The following TAF3 variants were observed in gnomAD, a reference collection of about 807,000 sequenced individuals.
TAF3 encodes the protein transcription initiation factor TFIID subunit 3.
Under a neutral mutation model 80.6 loss-of-function variants are expected in TAF3, and 7 were observed. The observed-to-expected ratio is 0.09, with a 90% CI of 0.05 to 0.16. The LOEUF (loss-of-function observed/expected upper bound fraction) is 0.16, where lower values mean the gene tolerates loss of function less well. Among genes scored for constraint, TAF3 ranks in the 10% least tolerant of loss-of-function variants. TAF3 has a pLI of 1.00. For synonymous variants in TAF3, 444 were observed against 446.1 expected, an observed-to-expected ratio of 1.00 and a Z score of 0.06; for missense variants, 921 against 1,140.2, an observed-to-expected ratio of 0.81 and a Z score of 2.77.
At position 8,014,646 on chromosome 10, in the gene TAF3, T is replaced by G; in HGVS notation, c.2685T>G (p.Val895=). 6.2e-7 allele frequency: 1 copy of G among 1,612,808 alleles called. No individual in the cohort carries two copies. The highest frequency in any genetic ancestry group is 1.1e-5 in the South Asian group (1 of 90,728). The change falls in exon 7 of 7, where the codon GTT becomes GTG. Residue 895 remains valine (V), a synonymous_variant. Coordinates refer to ENST00000344293, the MANE Select transcript of TAF3 (RefSeq NM_031923.4). ...TTGTTTTCACGTGCAGGCCCTGTGT[T>G]GGAATCATGACTGCACCCCCAGAAG... The part of the protein sequence containing the change: ...DCDDWYHWPC[V]GIMTAPPEEM...
chr10:7,977,986 C>CA (rs1831689947), intron 4 of TAF3, among the ~76,000 whole-genome samples: 2 of 152,024 alleles, frequency 1.3e-5, no homozygotes, highest in African/African-American at 2.4e-5. Context: ...TTAAGGCCTA[C>CA]AGTACTCTTA....
chr10:7,960,308 G>A (rs920140591), intron 2 of TAF3, among the ~76,000 whole-genome samples: 3 of 152,158 alleles, frequency 2.0e-5, no homozygotes, highest in African/African-American at 4.8e-5. Flanking sequence ...TAGCAAAAGC[G>A]AGGGAGGGAG....
At chr10:7,842,369 T>C (rs1758655) in intron 2 of TAF3, among the ~76,000 whole-genome samples, 27,203 of 151,688 alleles carry the variant, frequency 0.18, 2,517 homozygotes, top group South Asian at 0.26. Context: ...TATATTGCCC[T>C]GGCTGGTCTT....
At chr10:7,868,917 G>T (rs1012114595) in intron 2 of TAF3, among the ~76,000 whole-genome samples, 29 of 152,080 alleles carry the variant, frequency 1.9e-4, no homozygotes, top group African/African-American at 6.8e-4. Flanking sequence ...AAATGCAGTG[G>T]CAGGGTTTAA....
At chr10:7,986,722 A>C (rs1588577483) in intron 4 of TAF3, among the ~76,000 whole-genome samples, 1 of 152,164 alleles carries the variant, frequency 6.6e-6, no homozygotes, top group South Asian at 2.1e-4. Context: ...AGTAGCAGCC[A>C]ATGAGAGAAA....
rs539324989 is a variant in TAF3, at chr10:7,968,396, TA to T, written c.2232+2657del. ...TTATAAAGCTGATACCAAGAACCAA[TA>T]AAGATGTGATTAATTAAAACGGAAT... On this transcript the variant is annotated intron_variant, in intron 3 of 6. Coordinates refer to ENST00000344293, the MANE Select transcript of TAF3 (RefSeq NM_031923.4). Among the ~76,000 whole-genome samples, 5 of 152,190 alleles carry T rather than the reference TA, an allele frequency of 3.3e-5. No homozygotes were observed. In the East Asian group the frequency reaches 9.6e-4, roughly 29 times the overall value.
In TAF3 at chr10:7,964,136, T is replaced by C; in HGVS notation, c.626T>C (p.Leu209Ser). The C allele has an allele frequency of 6.2e-7, 1 of 1,614,114 alleles. No individual in the cohort carries two copies. The highest frequency in any genetic ancestry group is 8.5e-7 in the Non-Finnish European group (1 of 1,180,022). ...STKGDTLDVV[L>S]LEAREPLSSI... is the part of the protein sequence containing the mutation. ...AAAGGGGACACGCTAGATGTTGTGT[T>C]ATTGGAAGCTCGAGAGCCACTCAGC... is the stretch of plus-strand genomic sequence containing the variant. The change falls in exon 3 of 7, where the codon TTA (leucine) becomes TCA (serine). Residue 209 changes from leucine to serine, a missense_variant. Physicochemically the swap from Leu to Ser is moderately radical, Grantham distance 145 (BLOSUM62 -2). Transcript: ENST00000344293. The surrounding 1 kb of genome is among the most constrained non-coding windows in gnomAD (Gnocchi z 4.1).
chr10:7,914,587 G>T (rs1276195375), intron 2 of TAF3, among the ~76,000 whole-genome samples: 1 of 152,210 alleles, frequency 6.6e-6, no homozygotes, highest in Non-Finnish European at 1.5e-5. Context: ...TGTATGAGAA[G>T]AAATTTTATT....
chr10:7,837,462 G>A (rs1317817611), intron 2 of TAF3, among the ~76,000 whole-genome samples: 1 of 152,060 alleles, frequency 6.6e-6, no homozygotes, highest in Non-Finnish European at 1.5e-5. Flanking sequence ...GGCCAGCATG[G>A]CGAAACCTCG....
At chr10:7,905,497 C>T (rs574517838) in intron 2 of TAF3, among the ~76,000 whole-genome samples, 1 of 152,186 alleles carries the variant, frequency 6.6e-6, no homozygotes, top group Non-Finnish European at 1.5e-5. Context: ...GATGGCTGGA[C>T]ATAGCTGTGT....
chr10:7,901,351 T>C (rs1014613045), intron 2 of TAF3, among the ~76,000 whole-genome samples: 136 of 152,350 alleles, frequency 8.9e-4, no homozygotes, highest in African/African-American at 3.0e-3. Context: ...ACAGGGTGCA[T>C]GTTGGTCACT....
At chr10:7,920,165 A>G (rs1837748683) in intron 2 of TAF3, among the ~76,000 whole-genome samples, 1 of 151,962 alleles carries the variant, frequency 6.6e-6, no homozygotes, top group Non-Finnish European at 1.5e-5. Context: ...AAATGGGAGG[A>G]TCTCTTGAGT....
chr10:7,965,013 T>C lies in TAF3; in HGVS notation c.1503T>C (p.Thr501=), dbSNP rs1055351118. 3.1e-6 allele frequency: 5 copies of C among 1,613,722 alleles called. No individual in the cohort carries two copies. In the African/African-American group the frequency reaches 6.7e-5, roughly 22 times the overall value. ...YISSPSVSPP[T]PEPLHKVYEE... is the part of the protein sequence containing the mutation. ...CTTCTCCGTCAGTGTCTCCTCCCACTCCCGAACCTCTCCACAAGGTGTATG... is the reference window on the plus strand; with the variant it reads ...CTTCTCCGTCAGTGTCTCCTCCCACCCCCGAACCTCTCCACAAGGTGTATG... The change falls in exon 3 of 7, where the codon ACT becomes ACC. Residue 501 remains threonine, a synonymous_variant. Transcript: ENST00000344293.
chr10:7,829,070 A>G (rs1472119487), intron 2 of TAF3, among the ~76,000 whole-genome samples: 1 of 148,746 alleles, frequency 6.7e-6, no homozygotes, highest in East Asian at 2.0e-4. Context: ...AATATAAACC[A>G]TGTACCCTGA....
chr10:8,012,256 G>T (rs1485061819), intron 5 of TAF3, among the ~76,000 whole-genome samples: 3 of 152,178 alleles, frequency 2.0e-5, no homozygotes, highest in East Asian at 3.8e-4. Flanking sequence ...CAAAATTTAT[G>T]ATTTAGATGA....
At chr10:7,958,140 C>T (rs917295792) in intron 2 of TAF3, among the ~76,000 whole-genome samples, 1 of 150,602 alleles carries the variant, frequency 6.6e-6, no homozygotes, top group African/African-American at 2.4e-5. Context: ...TTCACCTTTA[C>T]CAGTGGTAGA....
intron 2 of TAF3, among the ~76,000 whole-genome samples, chr10:7,888,219 G>T (rs138647829): frequency 0.012 from 1,858 of 152,208 alleles, 150 homozygotes; most frequent in Admixed American, 0.11. Context: ...TTACAACCAA[G>T]CCTCCTAAAA....
intron 2 of TAF3, among the ~76,000 whole-genome samples, chr10:7,831,456 C>G (rs993465103): frequency 1.3e-5 from 2 of 152,180 alleles, no homozygotes; most frequent in African/African-American, 4.8e-5. Context: ...AGGGATTCTC[C>G]TGCCTCAGCC....
chr10:7,830,203 ACAC>A (rs1836784411), intron 2 of TAF3, among the ~76,000 whole-genome samples: 1 of 152,094 alleles, frequency 6.6e-6, no homozygotes, highest in African/African-American at 2.4e-5. Flanking sequence ...CTTGCTGTGA[ACAC>A]CAATTACTAT....
Sources: allele counts gnomAD v4.1 joint callset (sites outside exome capture counted in the v4.1 genomes callset), GRCh38; gene constraint gnomAD v4.1.1; non-coding constraint Gnocchi (gnomAD v3.1); transcripts MANE v1.5; gene names NCBI Gene and HGNC (gene_info 2026-07-23, HGNC 2026-07-21).